Variants in INSL6 observed in about 807,000 individuals in gnomAD.
INSL6 encodes the protein insulin-like peptide INSL6.
Under a neutral mutation model 9.4 loss-of-function variants are expected in INSL6, and 16 were observed. The ratio of observed to expected loss-of-function variants is 1.70; its 90% CI spans 1.15 to 2.59. INSL6 has a LOEUF of 2.59. INSL6 is among the 30% of genes most tolerant of loss of function. INSL6 has a pLI of 0.00. For synonymous variants in INSL6, 154 were observed against 96.9 expected, an observed-to-expected ratio of 1.59 and a Z score of -3.46; for missense variants, 391 against 257.3, an observed-to-expected ratio of 1.52 and a Z score of -3.56.
At chr9:5,091,952 G>A in the INSL6 span, among the ~76,000 whole-genome samples, 1 of 152,054 alleles carries the variant, frequency 6.6e-6, no homozygotes, top group East Asian at 1.9e-4. Flanking sequence ...GGATGAAGTA[G>A]GGATAATACT....
intron 1 of INSL6, among the ~76,000 whole-genome samples, chr9:5,182,049 A>G (rs183723582): frequency 6.6e-6 from 1 of 152,318 alleles, no homozygotes; most frequent in Admixed American, 6.5e-5. Flanking sequence ...TTCATGACAC[A>G]GCAATTCCAC....
In INSL6 at chr9:5,163,884, T is replaced by A. The variant is rs1824981933; in HGVS notation, c.*29A>T. 1 of 1,405,900 alleles carries A rather than the reference T, an allele frequency of 7.1e-7. No individual in the cohort carries two copies. The highest frequency in any genetic ancestry group is 1.4e-5 in the African/African-American group (1 of 70,620). The allele number at this position is 1,405,900 out of a possible 1,614,324, so 87.1% of individuals were successfully genotyped here. On this transcript the variant is annotated 3_prime_UTR_variant, in exon 2 of 2. Coordinates refer to ENST00000381641, the MANE Select transcript of INSL6 (RefSeq NM_007179.3). The stretch of plus-strand genomic sequence containing the variant: ...AGAGTTAAATAAATGTATTAAGCTT[T>A]TATTAGGTTAGAAAAAATTCTAAGA...
the INSL6 span, among the ~76,000 whole-genome samples, chr9:5,091,981 G>A: frequency 1.6e-4 from 24 of 152,040 alleles, no homozygotes; most frequent in Non-Finnish European, 2.5e-4. Flanking sequence ...TGAGGAATCC[G>A]GCGAAGATAC....
chr9:5,148,582 C>T (rs1243507356), intron 2 of INSL6, among the ~76,000 whole-genome samples: 2 of 152,168 alleles, frequency 1.3e-5, no homozygotes, highest in Admixed American at 6.5e-5. Context: ...AGGACCAGCC[C>T]TGTGGAAGGA....
chr9:5,157,652 T>C (rs557196545), intron 2 of INSL6, among the ~76,000 whole-genome samples: 2 of 152,212 alleles, frequency 1.3e-5, no homozygotes, highest in East Asian at 1.9e-4. Context: ...TCTTAAGAAA[T>C]TTGTAATAAG....
At chr9:4,999,046 C>T in the INSL6 span, among the ~76,000 whole-genome samples, 2 of 151,866 alleles carry the variant, frequency 1.3e-5, no homozygotes, top group Admixed American at 1.3e-4. Context: ...AGGATGGTCT[C>T]GATCTCCTGA....
At chr9:5,170,249 A>T (rs1825148950) in intron 1 of INSL6, among the ~76,000 whole-genome samples, 1 of 152,100 alleles carries the variant, frequency 6.6e-6, no homozygotes. Context: ...TTCCTGAGTG[A>T]CTCCTGGGTA....
chr9:5,028,113 G>C, the INSL6 span, among the ~76,000 whole-genome samples: 1 of 152,178 alleles, frequency 6.6e-6, no homozygotes, highest in African/African-American at 2.4e-5. Flanking sequence ...CACTGTGACA[G>C]CCATAACCTT....
chr9:5,174,284 T>TA (rs1564054466), intron 1 of INSL6, among the ~76,000 whole-genome samples: 1 of 152,220 alleles, frequency 6.6e-6, no homozygotes, highest in African/African-American at 2.4e-5. Context: ...AACTCCTTGA[T>TA]AGAGTTTTCT....
chr9:5,156,480 C>T lies in INSL6; in HGVS notation c.376+7699G>A, dbSNP rs114010627. On this transcript the variant is annotated intron_variant, in intron 2 of 3. Transcript: ENST00000649639. ...ATGATCAGAATAAAGAAGAAAGCCCCCTACAGGGATTTCCATATATGCAGA... is the reference window on the plus strand; with the variant it reads ...ATGATCAGAATAAAGAAGAAAGCCCTCTACAGGGATTTCCATATATGCAGA... 7.3e-3 allele frequency among the ~76,000 whole-genome samples: 1,115 copies of T among 152,112 alleles called. 23 individuals are homozygous for T. The highest frequency in any genetic ancestry group is 0.026 in the African/African-American group (1,062 of 41,486).
At chr9:5,024,015 G>A in the INSL6 span, among the ~76,000 whole-genome samples, 42 of 152,120 alleles carry the variant, frequency 2.8e-4, no homozygotes, top group Non-Finnish European at 4.7e-4. Flanking sequence ...CCAGCACTTT[G>A]GGAGGCTGAG....
intron 3 of INSL6, among the ~76,000 whole-genome samples, chr9:5,128,977 T>G (rs1824178414): frequency 6.6e-6 from 1 of 152,002 alleles, no homozygotes; most frequent in Non-Finnish European, 1.5e-5. Context: ...CATGGGTACT[T>G]GTTTGGAAAA....
chr9:5,173,349 G>T (rs1410709762), intron 1 of INSL6, among the ~76,000 whole-genome samples: 1 of 152,112 alleles, frequency 6.6e-6, no homozygotes, highest in Non-Finnish European at 1.5e-5. Context: ...GCAAAGACAT[G>T]AATTCAACCC....
At chr9:5,040,865 G>A in the INSL6 span, 4 of 233,968 alleles carry the variant, frequency 1.7e-5, no homozygotes, top group South Asian at 4.2e-5. Context: ...GAGAGGGGCC[G>A]GAGCGCGGAT....
intron 2 of INSL6, among the ~76,000 whole-genome samples, chr9:5,151,746 G>C (rs934534445): frequency 6.6e-6 from 1 of 152,070 alleles, no homozygotes; most frequent in African/African-American, 2.4e-5. Flanking sequence ...CAACAGATCA[G>C]ATGGAACACA....
chr9:5,106,714 C>T, the INSL6 span, among the ~76,000 whole-genome samples: 9 of 152,148 alleles, frequency 5.9e-5, no homozygotes, highest in Non-Finnish European at 1.3e-4. Context: ...GAATACTATG[C>T]AGCCATAAAC....
At chr9:5,184,746 G>A (rs1052865668) in intron 1 of INSL6, among the ~76,000 whole-genome samples, 1 of 152,202 alleles carries the variant, frequency 6.6e-6, no homozygotes, top group Non-Finnish European at 1.5e-5. Context: ...CCTGATAGGA[G>A]AACGGACCAG....
the INSL6 span, among the ~76,000 whole-genome samples, chr9:5,062,459 T>C: frequency 7.1e-6 from 1 of 140,666 alleles, no homozygotes; most frequent in Non-Finnish European, 1.5e-5. Context: ...CTGATAGACT[T>C]GTACTTGCTC....
the INSL6 span, among the ~76,000 whole-genome samples, chr9:5,092,880 C>T: frequency 4.9e-4 from 74 of 152,266 alleles, no homozygotes; most frequent in Middle Eastern, 6.8e-3. Context: ...GTAAGTTTAA[C>T]TGTTAATCTA....
Sources: allele counts gnomAD v4.1 joint callset (sites outside exome capture counted in the v4.1 genomes callset), GRCh38; gene constraint gnomAD v4.1.1; transcripts MANE v1.5; gene names NCBI Gene and HGNC (gene_info 2026-07-23, HGNC 2026-07-21).